The following OPCML variants were observed in gnomAD, a reference collection of about 807,000 sequenced individuals.
OPCML encodes the protein opioid binding protein/cell adhesion molecule like.
Under a neutral mutation model 37.8 loss-of-function variants are expected in OPCML, and 13 were observed. That is an observed-to-expected ratio of 0.34 (90% CI 0.22 to 0.55). The LOEUF (loss-of-function observed/expected upper bound fraction) is 0.55, where lower values mean the gene tolerates loss of function less well. Ranked by LOEUF, OPCML falls within the 20% of genes least tolerant of loss-of-function variation. OPCML has a pLI of 0.91. For synonymous variants in OPCML, 176 were observed against 168.8 expected, an observed-to-expected ratio of 1.04 and a Z score of -0.33; for missense variants, 341 against 435.6, an observed-to-expected ratio of 0.78 and a Z score of 1.93.
chr11:132,787,049 A>G (rs1947237764), intron 2 of OPCML, among the ~76,000 whole-genome samples: 1 of 152,178 alleles, frequency 6.6e-6, no homozygotes, highest in Non-Finnish European at 1.5e-5. Flanking sequence ...TTCTGAATCT[A>G]TAGGTCTAGG....
At chr11:132,565,642 C>A (rs985605815) in intron 3 of OPCML, among the ~76,000 whole-genome samples, 1 of 152,200 alleles carries the variant, frequency 6.6e-6, no homozygotes, top group East Asian at 1.9e-4. Context: ...ACAAGAAGCT[C>A]TCTTTGCATT....
At chr11:132,932,973 A>G (rs1021313548) in intron 2 of OPCML, among the ~76,000 whole-genome samples, 3 of 152,086 alleles carry the variant, frequency 2.0e-5, no homozygotes, top group Non-Finnish European at 4.4e-5. Context: ...TTTTGACTGT[A>G]AAGTCAGTGT....
Position 132,522,812 on chromosome 11 carries a change from A to G in OPCML, c.505+6249T>C, listed in dbSNP as rs996020804. ...CACCATCCAACAGGGATCGATACCT[A>G]TACACAAGTGCGGGTCAGTGCATCT... On this transcript the variant is annotated intron_variant, in intron 4 of 7. Coordinates refer to ENST00000524381, the MANE Select transcript of OPCML (RefSeq NM_001012393.5). Among the ~76,000 whole-genome samples, 21 of 152,314 alleles carry G rather than the reference A, an allele frequency of 1.4e-4. No homozygotes were observed. In the South Asian group the frequency reaches 2.1e-3, roughly 15 times the overall value.
At chr11:132,723,061 C>A (rs141451038) in intron 2 of OPCML, among the ~76,000 whole-genome samples, 1 of 152,110 alleles carries the variant, frequency 6.6e-6, no homozygotes, top group Non-Finnish European at 1.5e-5. Context: ...AAAAGAGAAC[C>A]TGATAATGCA....
chr11:132,522,885 T>C lies in OPCML; in HGVS notation c.505+6176A>G, dbSNP rs117011457. Among the ~76,000 whole-genome samples, 37 of 152,322 alleles carry C rather than the reference T, an allele frequency of 2.4e-4. 1 individual carries two copies. In the East Asian group the frequency reaches 7.0e-3, roughly 29 times the overall value. ...TGGTGATTCCTTCTAAAACTTTCTC[T>C]TTAGGAATTTCTAGCATGAAAAATG... On this transcript the variant is annotated intron_variant, in intron 4 of 7. Transcript: ENST00000524381.
intron 2 of OPCML, among the ~76,000 whole-genome samples, chr11:132,896,475 T>C (rs1328642952): frequency 2.0e-5 from 3 of 152,192 alleles, no homozygotes; most frequent in Admixed American, 6.5e-5. Flanking sequence ...CAAAGACAAG[T>C]TGAATGCAGT....
chr11:132,716,123 T>C (rs920706207), intron 2 of OPCML, among the ~76,000 whole-genome samples: 3 of 152,236 alleles, frequency 2.0e-5, no homozygotes, highest in African/African-American at 7.2e-5. Context: ...TGAGAAGAGC[T>C]GCTGCTGAAG....
intron 3 of OPCML, among the ~76,000 whole-genome samples, chr11:132,627,336 C>T (rs1051297897): frequency 2.0e-5 from 3 of 152,140 alleles, no homozygotes; most frequent in Non-Finnish European, 4.4e-5. Context: ...GCCATCTTTA[C>T]ATCAGGAATA....
chr11:133,486,274 C>T (rs1947524076), intron 1 of OPCML, among the ~76,000 whole-genome samples: 1 of 152,116 alleles, frequency 6.6e-6, no homozygotes, highest in Admixed American at 6.5e-5. Context: ...TCTGTTTCCT[C>T]TGTTTCATTC....
chr11:132,483,379 AAGG>A (rs2096187791), intron 4 of OPCML, among the ~76,000 whole-genome samples: 1 of 152,118 alleles, frequency 6.6e-6, no homozygotes, highest in Non-Finnish European at 1.5e-5. Flanking sequence ...GGACCTCTTC[AAGG>A]AGAACTACAA....
chr11:133,047,155 C>T (rs1591948636), intron 1 of OPCML, among the ~76,000 whole-genome samples: 3 of 152,166 alleles, frequency 2.0e-5, no homozygotes, highest in Admixed American at 1.3e-4. Context: ...CATGGCTTCA[C>T]GTGGCCCCGT....
At chr11:132,615,108 T>C (rs1448136703) in intron 3 of OPCML, among the ~76,000 whole-genome samples, 1 of 152,216 alleles carries the variant, frequency 6.6e-6, no homozygotes, top group East Asian at 1.9e-4. Flanking sequence ...CGTTTTTATT[T>C]ATTAATTTTT....
intron 1 of OPCML, among the ~76,000 whole-genome samples, chr11:133,246,812 T>C (rs888537190): frequency 2.0e-5 from 3 of 152,230 alleles, no homozygotes; most frequent in Admixed American, 1.3e-4. Flanking sequence ...AAGCAAGAAA[T>C]TGTAATGATA....
intron 1 of OPCML, among the ~76,000 whole-genome samples, chr11:133,082,118 G>A (rs1343320197): frequency 4.6e-5 from 7 of 151,898 alleles, no homozygotes; most frequent in Admixed American, 1.3e-4. Flanking sequence ...AGCAGCTCCC[G>A]GCTCAGGGAC....
chr11:132,569,104 C>A (rs1286902561), intron 3 of OPCML, among the ~76,000 whole-genome samples: 1 of 152,182 alleles, frequency 6.6e-6, no homozygotes, highest in African/African-American at 2.4e-5. Context: ...GCTGACTATG[C>A]CCATGCATCC....
intron 1 of OPCML, among the ~76,000 whole-genome samples, chr11:133,165,719 C>T (rs1174271741): frequency 1.3e-5 from 2 of 152,114 alleles, no homozygotes; most frequent in Non-Finnish European, 2.9e-5. Context: ...AAAGGAGACC[C>T]AAGCTGTGCG....
intron 2 of OPCML, among the ~76,000 whole-genome samples, chr11:132,719,361 C>T (rs1944600360): frequency 6.6e-6 from 1 of 152,216 alleles, no homozygotes; most frequent in Non-Finnish European, 1.5e-5. Context: ...CTCTCCTCTT[C>T]TGAGTTCAGG....
chr11:132,816,896 G>A (rs1489543563), intron 2 of OPCML, among the ~76,000 whole-genome samples: 1 of 152,210 alleles, frequency 6.6e-6, no homozygotes, highest in Non-Finnish European at 1.5e-5. Context: ...TTCATAAAAT[G>A]AGGCGTGAAG....
Position 132,528,523 on chromosome 11 carries a change from T to C in OPCML, c.505+538A>G, listed in dbSNP as rs564872149. On this transcript the variant is annotated intron_variant, in intron 4 of 7. Coordinates refer to ENST00000524381, the MANE Select transcript of OPCML (RefSeq NM_001012393.5). ...GTTTTAACTGATGTTTTCATACCAA[T>C]TATTGAATGCTCAGCACAGTCATGC... Among the ~76,000 whole-genome samples, 10 of 152,344 alleles carry C rather than the reference T, an allele frequency of 6.6e-5. No homozygotes were observed. In the South Asian group the frequency reaches 2.1e-3, roughly 32 times the overall value.
Sources: allele counts gnomAD v4.1 joint callset (sites outside exome capture counted in the v4.1 genomes callset), GRCh38; gene constraint gnomAD v4.1.1; transcripts MANE v1.5; gene names NCBI Gene and HGNC (gene_info 2026-07-23, HGNC 2026-07-21).